Variants in ZNF717 observed in about 807,000 individuals in gnomAD.
ZNF717 encodes the protein krueppel-like factor X17.
A neutral mutation model predicts 13.8 loss-of-function variants in ZNF717; 9 were observed. That is an observed-to-expected ratio of 0.65 (90% CI 0.39 to 1.14). ZNF717 has a LOEUF of 1.14. Among genes scored for constraint, ZNF717 ranks in the 50% most tolerant of loss-of-function variants. ZNF717 has a pLI of 0.01. For synonymous variants in ZNF717, 327 were observed against 364.1 expected (o/e 0.90, Z 1.16); for missense variants, 1,040 against 1,080.7 (o/e 0.96, Z 0.53).
intron 2 of ZNF717, among the ~76,000 whole-genome samples, chr3:75,772,073 G>A (rs1225922110): frequency 1.3e-5 from 2 of 152,248 alleles, no homozygotes; most frequent in African/African-American, 4.8e-5. Flanking sequence ...GGATGGCTCA[G>A]CACTGGCCTG....
downstream of ZNF717, among the ~76,000 whole-genome samples, chr3:75,706,155 G>C (rs1322357743): frequency 6.6e-6 from 1 of 152,308 alleles, no homozygotes; most frequent in Non-Finnish European, 1.5e-5. Context: ...GTGTGATAAA[G>C]CTTTTTAATT....
intron 4 of ZNF717, among the ~76,000 whole-genome samples, chr3:75,724,762 TTTAC>T (rs1938242861): frequency 6.6e-6 from 1 of 152,248 alleles, no homozygotes; most frequent in South Asian, 2.1e-4. Context: ...GTGCTACGGT[TTTAC>T]TTACTATTGC....
At chr3:75,745,263 T>C (rs1941031703) in intron 2 of ZNF717, among the ~76,000 whole-genome samples, 1 of 151,962 alleles carries the variant, frequency 6.6e-6, no homozygotes, top group Non-Finnish European at 1.5e-5. Context: ...GGACAAACAT[T>C]CAGACCAATG....
At chr3:75,739,579 CTTTTT>C (rs1224876878) in intron 4 of ZNF717, among the ~76,000 whole-genome samples, 8 of 152,034 alleles carry the variant, frequency 5.3e-5, no homozygotes, top group African/African-American at 1.2e-4. Context: ...TTTTCCTGTT[CTTTTT>C]TATTTCACAA....
At chr3:75,698,386 GGCA>G (rs1937627899) in intron 6 of ZNF717, among the ~76,000 whole-genome samples, 2 of 152,250 alleles carry the variant, frequency 1.3e-5, no homozygotes, top group African/African-American at 2.4e-5. Flanking sequence ...AAATCTAAAA[GGCA>G]GTCCCCCATC....
chr3:75,739,452 AC>A, intron 4 of ZNF717, 107 bp from the exon 5 acceptor site: 1 of 708,052 alleles, frequency 1.4e-6, no homozygotes, highest in Non-Finnish European at 2.1e-6. Context: ...GTAAGATTTG[AC>A]AAAAATAAAT....
chr3:75,758,168 A>G (rs1366686577), intron 2 of ZNF717, among the ~76,000 whole-genome samples: 2 of 151,758 alleles, frequency 1.3e-5, no homozygotes, highest in South Asian at 2.1e-4. Flanking sequence ...GATTATTCCA[A>G]CCCTCACAGA....
intron 6 of ZNF717, among the ~76,000 whole-genome samples, chr3:75,696,673 A>C (rs1263648719): frequency 6.6e-4 from 101 of 152,368 alleles, no homozygotes; most frequent in African/African-American, 2.2e-3. Flanking sequence ...TGGGCAGATC[A>C]TCTGAGTTCA....
chr3:75,718,529 T>C lies in ZNF717; in HGVS notation n.545-1988A>G, dbSNP rs1938107917. ...CAGGATATATGTCAAAAGGAAAGAA[T>C]AAATGTGATATACAGTTATATAAGT... On this transcript the variant is annotated intron_variant and non_coding_transcript_variant, in intron 4 of 5. Coordinates refer to the ZNF717 transcript ENST00000491507. Among the ~76,000 whole-genome samples the C allele has an allele frequency of 2.0e-5, 3 of 152,262 alleles. No homozygotes were observed. The South Asian group carries it at 6.2e-4, about 32-fold the overall frequency.
downstream of ZNF717, among the ~76,000 whole-genome samples, chr3:75,705,072 C>T (rs1219870096): frequency 6.6e-6 from 1 of 151,904 alleles, no homozygotes; most frequent in African/African-American, 2.4e-5. Context: ...TTTTTCTTAA[C>T]AGTTTTCTCT....
chr3:75,734,815 ATATTTTTTTTTT>A (rs1258526505), downstream of ZNF717, among the ~76,000 whole-genome samples: 8 of 43,254 alleles, frequency 1.8e-4, no homozygotes, highest in African/African-American at 6.4e-4. Flanking sequence ...ATATATATAT[ATATTTTTTTTTT>A]TTTTTTTTTT....
Position 75,737,803 on chromosome 3 carries a change from C to T in ZNF717, c.1820G>A (p.Gly607Glu), listed in dbSNP as rs13314309. Residue 607 changes from glycine to glutamate, a missense_variant, in exon 5 of 5, where the codon GGG becomes GAG. Around this residue, in one of 3 missense-constraint regions of ZNF717, gnomAD observed 873 missense variants for 832.8 expected, o/e 1.05. Coordinates refer to ENST00000652011, the MANE Select transcript of ZNF717 (RefSeq NM_001290208.3). ...CCCTGTGTGAGTTCTCTTGTGTATCCCAAGGTTTAACTTATTGATAAAGGT... is the reference window on the plus strand; with the variant it reads ...CCCTGTGTGAGTTCTCTTGTGTATCTCAAGGTTTAACTTATTGATAAAGGT... ...EKTFINKLNL[G>E]IHKRTHTGER... 12,144 of 1,550,312 alleles carry T rather than the reference C, an allele frequency of 7.8e-3. 398 individuals carry two copies. The African/African-American group carries it at 0.15, about 19-fold the overall frequency.
intron 2 of ZNF717, among the ~76,000 whole-genome samples, chr3:75,770,482 C>A (rs1943800145): frequency 6.6e-6 from 1 of 152,120 alleles, no homozygotes; most frequent in Non-Finnish European, 1.5e-5. Flanking sequence ...ATTGCTTGAA[C>A]CTGGGAGGTG....
chr3:75,711,922 A>G (rs1177904589), intron 5 of ZNF717, among the ~76,000 whole-genome samples: 2 of 152,376 alleles, frequency 1.3e-5, no homozygotes, highest in African/African-American at 4.8e-5. Flanking sequence ...CTAATTGACA[A>G]TGAAACTTGG....
At chr3:75,709,106 T>C (rs3009075), downstream of ZNF717, among the ~76,000 whole-genome samples, 44,960 of 151,508 alleles carry the variant, frequency 0.3, 7,784 homozygotes, top group East Asian at 0.57. Context: ...GATCAAGCGA[T>C]TCCTGTTTCA....
intron 4 of ZNF717, among the ~76,000 whole-genome samples, chr3:75,724,890 T>C (rs1175792230): frequency 3.9e-5 from 6 of 152,280 alleles, no homozygotes; most frequent in Admixed American, 2.0e-4. Context: ...GTTCCAGGTA[T>C]AGCTCTCTCC....
At chr3:75,767,581 G>A (rs1256622815) in intron 2 of ZNF717, among the ~76,000 whole-genome samples, 2 of 152,226 alleles carry the variant, frequency 1.3e-5, no homozygotes, top group Non-Finnish European at 2.9e-5. Context: ...GTGAGGGCCT[G>A]AAGGACAGTG....
chr3:75,743,792 G>A (rs1940777416), intron 2 of ZNF717, among the ~76,000 whole-genome samples: 1 of 152,260 alleles, frequency 6.6e-6, no homozygotes, highest in African/African-American at 2.4e-5. Context: ...TCATCATCCA[G>A]CTAGTTTGGT....
rs529835582 is a variant in ZNF717 at position 75,716,248 on chromosome 3, T to C, written n.667+171A>G. Among the ~76,000 whole-genome samples the C allele has an allele frequency of 3.3e-5, 5 of 151,260 alleles. No homozygotes were observed. The East Asian group carries it at 9.7e-4, about 29-fold the overall frequency. Reference sequence around the variant, plus strand: ...CCCACCTTGGCCTCCCAAGATAAGATTGTTCACAAAAATTTTAACCTAGAC... The same window carrying C: ...CCCACCTTGGCCTCCCAAGATAAGACTGTTCACAAAAATTTTAACCTAGAC... On this transcript the variant is annotated intron_variant and non_coding_transcript_variant, in intron 5 of 5. Coordinates refer to the ZNF717 transcript ENST00000491507.
Sources: allele counts gnomAD v4.1 joint callset (sites outside exome capture counted in the v4.1 genomes callset), GRCh38; gene constraint gnomAD v4.1.1; regional missense constraint gnomAD v4.1.1; transcripts MANE v1.5; gene names NCBI Gene and HGNC (gene_info 2026-07-23, HGNC 2026-07-21).